The following STK10 variants were observed in gnomAD, a reference collection of about 807,000 sequenced individuals.
STK10 encodes serine/threonine-protein kinase 10.
A neutral mutation model predicts 113.8 loss-of-function variants in STK10; 78 were observed. The observed-to-expected ratio is 0.69, with a 90% CI of 0.57 to 0.83. STK10 has a LOEUF of 0.83. Ranked by LOEUF, STK10 falls within the 40% of genes least tolerant of loss-of-function variation. The pLI is 0.00. For synonymous variants in STK10, 465 were observed against 494.7 expected (o/e 0.94, Z 0.80); for missense variants, 1,109 against 1,280.1 (o/e 0.87, Z 2.04).
chr5:172,065,593 G>A (rs1401007164), intron 12 of STK10, among the ~76,000 whole-genome samples: 4 of 152,098 alleles, frequency 2.6e-5, no homozygotes, highest in African/African-American at 4.8e-5. Context: ...CCCTACCCCC[G>A]CTGGCCCTGG....
chr5:172,099,311 C>T (rs1459423572), intron 7 of STK10, among the ~76,000 whole-genome samples: 1 of 152,048 alleles, frequency 6.6e-6, no homozygotes, highest in Non-Finnish European at 1.5e-5. Flanking sequence ...GAGGCCAAGG[C>T]GGTGGATCAC....
At chr5:172,158,763 T>C (rs533601392) in intron 1 of STK10, among the ~76,000 whole-genome samples, 1 of 152,192 alleles carries the variant, frequency 6.6e-6, no homozygotes, top group East Asian at 1.9e-4. Context: ...CCTGAAAACA[T>C]TATGTAAAGT....
chr5:172,168,794 G>A (rs1386884576), intron 1 of STK10, among the ~76,000 whole-genome samples: 6 of 152,152 alleles, frequency 3.9e-5, no homozygotes, highest in African/African-American at 1.4e-4. Flanking sequence ...GCCCTCAGCA[G>A]CCCACCAAAG....
chr5:172,178,277 G>A (rs1275928039), intron 1 of STK10, among the ~76,000 whole-genome samples: 1 of 152,180 alleles, frequency 6.6e-6, no homozygotes, highest in African/African-American at 2.4e-5. Context: ...GGCCACATCA[G>A]GCCGCTACAT....
chr5:172,056,996 A>AAG (rs1491236865), intron 15 of STK10: 3,983 of 40,216 alleles, frequency 0.099, 63 homozygotes, highest in East Asian at 0.13. Flanking sequence ...AGAAAGAAAG[A>AAG]GAAAGAAGGA....
chr5:172,180,874 G>GT (rs1581193692), intron 1 of STK10, among the ~76,000 whole-genome samples: 3 of 152,194 alleles, frequency 2.0e-5, no homozygotes, highest in African/African-American at 7.2e-5. Context: ...AGTTGGCTCT[G>GT]TGAGAACCCT....
chr5:172,089,868 G>A (rs1768657008), intron 10 of STK10, among the ~76,000 whole-genome samples: 1 of 151,796 alleles, frequency 6.6e-6, no homozygotes, highest in African/African-American at 2.4e-5. Context: ...TGATTAAGTA[G>A]ATAGGTAGAT....
intron 1 of STK10, among the ~76,000 whole-genome samples, chr5:172,181,159 G>A (rs140760910): frequency 6.6e-6 from 1 of 152,320 alleles, no homozygotes; most frequent in Non-Finnish European, 1.5e-5. Flanking sequence ...CTACGCTGCT[G>A]CCTTCCCAGC....
At position 172,044,493 on chromosome 5, in the gene STK10, C is replaced by T; in HGVS notation, c.*389G>A. ...TCCAGCCCGGATGAGCCCACGGGGA[C>T]TTCATCAGCAGTGCTTTGTCCCACA... On this transcript the variant is annotated 3_prime_UTR_variant, in exon 19 of 19. Transcript: ENST00000176763. This position sits in a 1 kb window ranked among gnomAD's most constrained non-coding sequence, Gnocchi z 4.5. 4.6e-6 allele frequency: 1 copy of T among 216,574 alleles called. No individual in the cohort carries two copies. The highest frequency in any genetic ancestry group is 6.8e-5 in the South Asian group (1 of 14,744). The allele number at this position is 216,574 out of a possible 1,614,324, so 13.4% of individuals were successfully genotyped here. A position where few individuals can be genotyped will look rare whatever the true frequency, so the allele number is the denominator to read the frequency against.
At chr5:172,046,447 G>A (rs1767497609) in intron 18 of STK10, among the ~76,000 whole-genome samples, 1 of 151,934 alleles carries the variant, frequency 6.6e-6, no homozygotes, top group South Asian at 2.1e-4. Context: ...CTATCAGTTT[G>A]GGACCTCTGC....
intron 1 of STK10, among the ~76,000 whole-genome samples, chr5:172,165,743 C>G (rs1439853174): frequency 1.3e-5 from 2 of 152,072 alleles, no homozygotes; most frequent in African/African-American, 4.8e-5. Context: ...CCAAGGCAGG[C>G]CAACAGGGTC....
At chr5:172,118,878 C>CAAA (rs3028101) in intron 3 of STK10, among the ~76,000 whole-genome samples, 22 of 71,294 alleles carry the variant, frequency 3.1e-4, no homozygotes, top group South Asian at 1.0e-3. Context: ...GACTCAGTCT[C>CAAA]AAAAAAAAAA....
rs760328047 is a variant in STK10, at chr5:172,093,649, T to C, written c.1317A>G (p.Pro439=). ...TGGCCTTTTGAGATCTGTTGGCTGC[T>C]GGGCTGAGGTCCCCACCCTGCTCAG... The part of the protein sequence containing the change: ...QVAEQGGDLS[P]AANRSQKASQ... The change falls in exon 9 of 19, where the codon CCA becomes CCG. Residue 439 remains proline, a synonymous_variant. Transcript: ENST00000176763. This position sits in a 1 kb window ranked among gnomAD's most constrained non-coding sequence, Gnocchi z 4.1. 23 of 1,614,248 alleles carry C rather than the reference T, an allele frequency of 1.4e-5. No homozygotes were observed. The South Asian group carries it at 2.4e-4, about 17-fold the overall frequency.
intron 2 of STK10, among the ~76,000 whole-genome samples, chr5:172,156,276 A>T (rs1194445832): frequency 1.3e-5 from 2 of 152,182 alleles, no homozygotes; most frequent in East Asian, 3.9e-4. Context: ...CGCAGTAATC[A>T]CTCTATGAGC....
At chr5:172,057,599 T>A (rs973964194) in intron 14 of STK10, 126 bp from the exon 15 acceptor site, 2 of 1,420,192 alleles carry the variant, frequency 1.4e-6, no homozygotes, top group Non-Finnish European at 1.9e-6. Context: ...GGCTCAGGAA[T>A]TGCCACATGT....
In STK10 at chr5:172,120,732, A is replaced by G. The variant is rs1769494010; in HGVS notation, c.371-3102T>C. On this transcript the variant is annotated intron_variant, in intron 3 of 18. Transcript: ENST00000176763. The surrounding 1 kb of genome is among the most constrained non-coding windows in gnomAD (Gnocchi z 4.0). ...TAGGCAATAAAGGGGGATTATTGCT[A>G]TGTTGGTTCTAAGATGAGTCCAGGG... 6.6e-6 allele frequency among the ~76,000 whole-genome samples: 1 copy of G among 152,170 alleles called. No homozygotes were observed. Among genetic ancestry groups the G allele is most frequent in the African/African-American group, 2.4e-5 (1 of 41,440 alleles).
intron 18 of STK10, among the ~76,000 whole-genome samples, chr5:172,052,137 G>C (rs1054104899): frequency 2.6e-5 from 4 of 152,162 alleles, no homozygotes; most frequent in African/African-American, 7.2e-5. Context: ...AGCACAAAAG[G>C]GTTTTCTCTA....
intron 18 of STK10, chr5:172,045,301 A>T: frequency 1.7e-6 from 1 of 585,704 alleles, no homozygotes. Flanking sequence ...AAAAAAGCAG[A>T]TGCAAATCCC....
At chr5:172,090,935 TAAAAAAAAAA>T (rs547251159) in intron 9 of STK10, among the ~76,000 whole-genome samples, 40 of 46,138 alleles carry the variant, frequency 8.7e-4, no homozygotes, top group African/African-American at 3.7e-3. Context: ...ACTCCGTCTC[TAAAAAAAAAA>T]AAAAAAAAAA....
Sources: gnomAD v4.1 joint callset for allele counts (sites outside exome capture counted in the v4.1 genomes callset) on GRCh38, gnomAD v4.1.1 for gene constraint, Gnocchi (gnomAD v3.1) non-coding constraint, MANE v1.5 for transcripts, NCBI Gene and HGNC (gene_info 2026-07-23, HGNC 2026-07-21) for gene names.